The following COMMD1 variants were observed in gnomAD, a reference collection of about 807,000 sequenced individuals.
COMMD1 encodes COMM domain-containing protein 1.
Under a neutral mutation model 17.2 loss-of-function variants are expected in COMMD1, and 10 were observed. That is an observed-to-expected ratio of 0.58 (90% confidence interval 0.36 to 0.99). COMMD1 has a LOEUF of 0.99. Among genes scored for constraint, COMMD1 ranks in the 50% least tolerant of loss-of-function variants. The pLI, the probability that COMMD1 is intolerant of heterozygous loss-of-function variation, is 0.01. For synonymous variants in COMMD1, 97 were observed against 91.6 expected, an observed-to-expected ratio of 1.06 and a Z score of -0.34; for missense variants, 270 against 231.8, an observed-to-expected ratio of 1.17 and a Z score of -1.07.
At chr2:61,898,365 A>G (rs936948344) in intron 1 of COMMD1, among the ~76,000 whole-genome samples, 1 of 152,192 alleles carries the variant, frequency 6.6e-6, no homozygotes, top group Non-Finnish European at 1.5e-5. Flanking sequence ...AGTCCCATCT[A>G]TGCGGGAGGT....
At chr2:62,062,079 A>G (rs919061721) in intron 2 of COMMD1, among the ~76,000 whole-genome samples, 12 of 151,870 alleles carry the variant, frequency 7.9e-5, no homozygotes, top group African/African-American at 2.9e-4. Flanking sequence ...ACTGACCTGG[A>G]TTTGAATCCT....
At chr2:62,070,784 C>T (rs1470124860) in intron 2 of COMMD1, among the ~76,000 whole-genome samples, 1 of 152,224 alleles carries the variant, frequency 6.6e-6, no homozygotes. Context: ...AATCCCAGCA[C>T]TTTGGGAGGC....
intron 1 of COMMD1, among the ~76,000 whole-genome samples, chr2:61,966,866 TAAG>T: frequency 6.6e-6 from 1 of 152,228 alleles, no homozygotes; most frequent in Non-Finnish European, 1.5e-5. Context: ...GATAAAATAA[TAAG>T]GCTTCTATTT....
intron 1 of COMMD1, among the ~76,000 whole-genome samples, chr2:61,960,949 T>C (rs895997985): frequency 3.3e-5 from 5 of 152,214 alleles, no homozygotes; most frequent in Non-Finnish European, 7.3e-5. Flanking sequence ...TTGGCGTTAC[T>C]GAGAGTCCAG....
At chr2:62,106,055 G>A (rs937191752) in intron 2 of COMMD1, among the ~76,000 whole-genome samples, 1 of 152,132 alleles carries the variant, frequency 6.6e-6, no homozygotes, top group Admixed American at 6.5e-5. Context: ...GAGTGCAGTG[G>A]TGTGAACATA....
At chr2:62,095,161 CA>C (rs1316097598) in intron 2 of COMMD1, among the ~76,000 whole-genome samples, 1 of 152,122 alleles carries the variant, frequency 6.6e-6, no homozygotes, top group Non-Finnish European at 1.5e-5. Context: ...AACTTTTCCT[CA>C]AAAAATACAT....
At chr2:62,026,944 A>G (rs1450222470) in intron 2 of COMMD1, among the ~76,000 whole-genome samples, 2 of 152,164 alleles carry the variant, frequency 1.3e-5, no homozygotes, top group African/African-American at 2.4e-5. Context: ...AATTTTAATC[A>G]TGATTCTTTT....
intron 2 of COMMD1, among the ~76,000 whole-genome samples, chr2:62,123,363 G>T (rs1436403290): frequency 6.6e-6 from 1 of 151,530 alleles, no homozygotes; most frequent in Non-Finnish European, 1.5e-5. Context: ...TAACTAGCTG[G>T]GTGTGGTGGC....
chr2:61,992,478 T>A (rs1054104625), intron 1 of COMMD1, among the ~76,000 whole-genome samples: 1 of 152,188 alleles, frequency 6.6e-6, no homozygotes, highest in Non-Finnish European at 1.5e-5. Flanking sequence ...GTCAGGGGTC[T>A]GCAAACATCA....
chr2:61,954,946 A>C (rs1391465501), intron 1 of COMMD1, among the ~76,000 whole-genome samples: 1 of 152,096 alleles, frequency 6.6e-6, no homozygotes, highest in Non-Finnish European at 1.5e-5. Flanking sequence ...AAGTGCTGGG[A>C]TTACAGGCGT....
chr2:61,898,039 GTAA>G (rs1169317481), intron 1 of COMMD1, among the ~76,000 whole-genome samples: 1 of 152,140 alleles, frequency 6.6e-6, no homozygotes, highest in Non-Finnish European at 1.5e-5. Flanking sequence ...TAGGTACTAA[GTAA>G]TAACAACTCA....
At chr2:61,947,294 A>C (rs1246812651) in intron 1 of COMMD1, among the ~76,000 whole-genome samples, 1 of 152,220 alleles carries the variant, frequency 6.6e-6, no homozygotes, top group Non-Finnish European at 1.5e-5. Context: ...ACTTAGTATA[A>C]CTTAAGGTTT....
chr2:61,922,451 GGGATTA>G (rs1670223858), intron 1 of COMMD1, among the ~76,000 whole-genome samples: 1 of 152,078 alleles, frequency 6.6e-6, no homozygotes, highest in Non-Finnish European at 1.5e-5. Flanking sequence ...CCAAGTAGCT[GGGATTA>G]TAGGCGTGAG....
intron 2 of COMMD1, among the ~76,000 whole-genome samples, chr2:62,062,010 A>G (rs535071608): frequency 6.6e-6 from 1 of 151,824 alleles, no homozygotes; most frequent in African/African-American, 2.4e-5. Flanking sequence ...ACAGAAACAA[A>G]AAAACCATAA....
At chr2:62,129,443 G>T (rs1022907792) in intron 2 of COMMD1, among the ~76,000 whole-genome samples, 1 of 152,114 alleles carries the variant, frequency 6.6e-6, no homozygotes. Context: ...TGGGGCCAGT[G>T]GTTCCTTAGG....
intron 2 of COMMD1, among the ~76,000 whole-genome samples, chr2:62,062,455 T>C (rs1670887863): frequency 6.6e-6 from 1 of 151,976 alleles, no homozygotes; most frequent in South Asian, 2.1e-4. Context: ...CGCCAACTCC[T>C]TTCCTCAGGT....
chr2:62,035,843 GGGGTTCAAGACCA>G (rs1323008630), intron 2 of COMMD1, among the ~76,000 whole-genome samples: 1 of 151,856 alleles, frequency 6.6e-6, no homozygotes, highest in Non-Finnish European at 1.5e-5. Flanking sequence ...CTGAGCCTCA[GGGGTTCAAGACCA>G]GCCTGGGCAA....
chr2:62,052,626 T>G (rs1001936926), intron 2 of COMMD1, among the ~76,000 whole-genome samples: 3 of 152,224 alleles, frequency 2.0e-5, no homozygotes, highest in African/African-American at 7.2e-5. Flanking sequence ...CTTCTCTTTT[T>G]GAATTTCCAT....
intron 2 of COMMD1, among the ~76,000 whole-genome samples, chr2:62,042,636 G>A (rs1043855258): frequency 5.3e-5 from 8 of 152,160 alleles, no homozygotes; most frequent in South Asian, 2.1e-4. Context: ...AGGGGGAGCC[G>A]GCTCTGGCCT....
Sources: allele counts gnomAD v4.1 joint callset (sites outside exome capture counted in the v4.1 genomes callset), GRCh38; gene constraint gnomAD v4.1.1; transcripts MANE v1.5; gene names NCBI Gene and HGNC (gene_info 2026-07-23, HGNC 2026-07-21).